The following DPP10 variants were observed in gnomAD, a reference collection of about 807,000 sequenced individuals.
DPP10 encodes the protein inactive dipeptidyl peptidase 10.
In DPP10, 33 loss-of-function variants were observed where a neutral mutation model predicts 120.9. The observed-to-expected ratio is 0.27, with a 90% confidence interval of 0.21 to 0.37. DPP10 has a LOEUF of 0.37. Ranked by LOEUF, DPP10 falls within the 10% of genes least tolerant of loss-of-function variation. The pLI is 1.00. For missense variants in DPP10, 816 were observed against 942.8 expected, an observed-to-expected ratio of 0.87 and a Z score of 1.76; for synonymous variants, 337 against 326.1, an observed-to-expected ratio of 1.03 and a Z score of -0.36.
At chr2:114,765,091 A>G (rs1006678545) in intron 1 of DPP10, among the ~76,000 whole-genome samples, 1 of 152,158 alleles carries the variant, frequency 6.6e-6, no homozygotes, top group African/African-American at 2.4e-5. Context: ...TCCAAAGGTT[A>G]TGAGGGGGCC....
chr2:114,655,985 T>G (rs1275423120), intron 1 of DPP10, among the ~76,000 whole-genome samples: 3 of 152,116 alleles, frequency 2.0e-5, no homozygotes, highest in Admixed American at 2.0e-4. Flanking sequence ...ACTATCGAAT[T>G]AGGTGTTGTA....
chr2:115,085,968 C>T (rs1044563863), intron 1 of DPP10, among the ~76,000 whole-genome samples: 2 of 152,086 alleles, frequency 1.3e-5, no homozygotes, highest in African/African-American at 4.8e-5. Context: ...CCCTATATAT[C>T]GTGACTTACT....
chr2:115,548,223 T>C (rs1438329608), intron 5 of DPP10, among the ~76,000 whole-genome samples: 1 of 152,198 alleles, frequency 6.6e-6, no homozygotes, highest in African/African-American at 2.4e-5. Flanking sequence ...ATTTAAATCT[T>C]CTGGGATCAT....
intron 13 of DPP10, among the ~76,000 whole-genome samples, chr2:115,769,482 G>C (rs759537806): frequency 6.6e-6 from 1 of 151,878 alleles, no homozygotes; most frequent in Non-Finnish European, 1.5e-5. Context: ...TAAAATAGTT[G>C]TCATTGTTTT....
intron 5 of DPP10, among the ~76,000 whole-genome samples, chr2:115,661,902 C>T (rs1405873724): frequency 6.6e-6 from 1 of 152,184 alleles, no homozygotes; most frequent in East Asian, 1.9e-4. Context: ...ATCCTCTTAG[C>T]ACATTTCAAG....
In DPP10 at chr2:114,576,217, T is replaced by G. The variant is rs185235719; in HGVS notation, c.60+133379T>G. 5.9e-3 allele frequency among the ~76,000 whole-genome samples: 892 copies of G among 152,352 alleles called. 5 individuals are homozygous for G. The highest frequency in any genetic ancestry group is 0.014 in the Middle Eastern group (4 of 294). On this transcript the variant is annotated intron_variant, in intron 1 of 25. Coordinates refer to ENST00000410059, the MANE Select transcript of DPP10 (RefSeq NM_020868.6). ...AGAGAGTTATACTGAATGGACTGTT[T>G]ACAAACATGTGGGAAGAGTTAGAGG...
intron 1 of DPP10, among the ~76,000 whole-genome samples, chr2:115,003,205 G>A (rs1701569246): frequency 1.4e-5 from 2 of 145,166 alleles, no homozygotes; most frequent in East Asian, 2.0e-4. Flanking sequence ...ATGAAATCAT[G>A]TCCTTTGCAG....
chr2:115,065,760 T>G (rs1216405894), intron 1 of DPP10: 2 of 149,084 alleles, frequency 1.3e-5, no homozygotes, highest in Non-Finnish European at 3.0e-5. Flanking sequence ...AAGAGTAAAA[T>G]TGTATAGTCA....
intron 1 of DPP10, among the ~76,000 whole-genome samples, chr2:115,267,303 C>G (rs760126143): frequency 7.3e-4 from 111 of 152,104 alleles, no homozygotes; most frequent in Non-Finnish European, 1.3e-3. Flanking sequence ...TAATTTCGAA[C>G]ATATATGCAA....
intron 17 of DPP10, among the ~76,000 whole-genome samples, chr2:115,784,420 C>T (rs1211794758): frequency 6.6e-6 from 1 of 152,194 alleles, no homozygotes; most frequent in East Asian, 1.9e-4. Flanking sequence ...GAAGAAACTA[C>T]TGCCATGTAA....
intron 1 of DPP10, among the ~76,000 whole-genome samples, chr2:115,107,581 G>A (rs1456797546): frequency 2.0e-5 from 3 of 151,898 alleles, no homozygotes; most frequent in Admixed American, 1.3e-4. Flanking sequence ...AGCTAGGTAG[G>A]TAGGTAGATA....
At position 115,286,519 on chromosome 2, in the gene DPP10, TATATATA is replaced by T. The variant is rs1358809067; in HGVS notation, c.61-22712_61-22706del. On this transcript the variant is annotated intron_variant, in intron 1 of 25. Transcript: ENST00000410059. ...ATATATATATTACATATATAATATA[TATATATA>T]ATATATATATATATAAAATATATAC... 2.3e-3 allele frequency among the ~76,000 whole-genome samples: 101 copies of T among 43,440 alleles called. 3 individuals carry two copies. Among genetic ancestry groups the T allele is most frequent in the African/African-American group, 5.7e-3 (91 of 15,904 alleles). 28.5% of individuals were successfully genotyped at this position (43,440 alleles called of 152,430 possible).
intron 1 of DPP10, among the ~76,000 whole-genome samples, chr2:115,020,333 G>T (rs1702980194): frequency 6.6e-6 from 1 of 152,000 alleles, no homozygotes; most frequent in Non-Finnish European, 1.5e-5. Flanking sequence ...CCACACAAAT[G>T]AACACCAAAA....
intron 1 of DPP10, among the ~76,000 whole-genome samples, chr2:115,244,239 T>TATATATATAGAGAGAG (rs1348001277): frequency 1.1e-5 from 1 of 93,474 alleles, no homozygotes; most frequent in African/African-American, 3.8e-5. Flanking sequence ...TATATATATA[T>TATATATATAGAGAGAG]AGAGAGAGAG....
At chr2:114,722,642 G>A (rs1256449351) in intron 1 of DPP10, among the ~76,000 whole-genome samples, 2 of 151,846 alleles carry the variant, frequency 1.3e-5, no homozygotes, top group Admixed American at 1.3e-4. Context: ...CGGGCGTGGT[G>A]GCGGGAGCCT....
At chr2:114,979,202 T>C (rs1699936622) in intron 1 of DPP10, among the ~76,000 whole-genome samples, 6 of 152,090 alleles carry the variant, frequency 3.9e-5, no homozygotes, top group Admixed American at 3.9e-4. Context: ...TATCTGACTT[T>C]ATTAAAAATG....
intron 5 of DPP10, among the ~76,000 whole-genome samples, chr2:115,640,489 G>A (rs527815784): frequency 6.6e-6 from 1 of 151,488 alleles, no homozygotes; most frequent in East Asian, 1.9e-4. Flanking sequence ...ACGACATCTT[G>A]ATCTCGTTTA....
chr2:115,587,493 TA>T (rs899989297), intron 5 of DPP10, among the ~76,000 whole-genome samples: 2 of 152,226 alleles, frequency 1.3e-5, no homozygotes, highest in African/African-American at 4.8e-5. Context: ...GTGTCAGGCT[TA>T]TTTCATTTAA....
chr2:115,625,139 C>T (rs903997516), intron 5 of DPP10, among the ~76,000 whole-genome samples: 3 of 151,660 alleles, frequency 2.0e-5, no homozygotes, highest in South Asian at 2.1e-4. Flanking sequence ...ATTGATAATA[C>T]GTTGAATAGC....
Sources: allele counts gnomAD v4.1 joint callset (sites outside exome capture counted in the v4.1 genomes callset), GRCh38; gene constraint gnomAD v4.1.1; transcripts MANE v1.5; gene names NCBI Gene and HGNC (gene_info 2026-07-23, HGNC 2026-07-21).